Variants in LIN28B observed in about 807,000 individuals in gnomAD.
The protein encoded by LIN28B is protein lin-28 homolog B.
A neutral mutation model predicts 21.9 loss-of-function variants in LIN28B; 5 were observed. The observed-to-expected ratio is 0.23, with a 90% CI of 0.12 to 0.48. LIN28B has a LOEUF of 0.48. LIN28B is among the 20% of genes least tolerant of loss of function. LIN28B has a pLI of 0.98. For missense variants in LIN28B, 245 were observed against 310.5 expected, an observed-to-expected ratio of 0.79 and a Z score of 1.58; for synonymous variants, 109 against 111.3, an observed-to-expected ratio of 0.98 and a Z score of 0.13.
At chr6:104,961,307 A>C (rs1187739648) in intron 2 of LIN28B, among the ~76,000 whole-genome samples, 1 of 152,146 alleles carries the variant, frequency 6.6e-6, no homozygotes, top group African/African-American at 2.4e-5. Context: ...TTTATTTTTA[A>C]ATATATTTAA....
chr6:105,075,366 G>A (rs1772405500), intron 3 of LIN28B, among the ~76,000 whole-genome samples: 2 of 152,164 alleles, frequency 1.3e-5, no homozygotes, highest in African/African-American at 4.8e-5. Flanking sequence ...GAGCTGCAAG[G>A]TAGCTGAACA....
intron 3 of LIN28B, among the ~76,000 whole-genome samples, chr6:105,057,375 G>T (rs76841077): frequency 0.014 from 2,103 of 152,186 alleles, 48 homozygotes; most frequent in African/African-American, 0.049. Context: ...ACTATCATCT[G>T]CCATCTGACA....
intron 3 of LIN28B, among the ~76,000 whole-genome samples, chr6:105,072,373 G>A (rs1286775370): frequency 6.6e-6 from 1 of 152,048 alleles, no homozygotes; most frequent in African/African-American, 2.4e-5. Context: ...AATTTAGTAA[G>A]CTCTCAGTGA....
At chr6:105,069,229 CAAAA>C (rs1772282306) in intron 3 of LIN28B, among the ~76,000 whole-genome samples, 1 of 151,836 alleles carries the variant, frequency 6.6e-6, no homozygotes, top group African/African-American at 2.4e-5. Flanking sequence ...AAAAGCAAAA[CAAAA>C]CAAACAAAAA....
intron 2 of LIN28B, among the ~76,000 whole-genome samples, chr6:104,962,437 A>G (rs929573567): frequency 2.0e-5 from 3 of 152,034 alleles, no homozygotes; most frequent in Non-Finnish European, 4.4e-5. Context: ...TGGATAATTC[A>G]AATGCCCACA....
At chr6:104,991,292 C>T (rs1460036858) in intron 2 of LIN28B, among the ~76,000 whole-genome samples, 9 of 151,584 alleles carry the variant, frequency 5.9e-5, no homozygotes, top group African/African-American at 1.5e-4. Flanking sequence ...CCTCACTTCT[C>T]GGACGGGGCG....
chr6:105,014,326 T>A (rs112252708), intron 2 of LIN28B, among the ~76,000 whole-genome samples: 15,635 of 152,168 alleles, frequency 0.1, 861 homozygotes, highest in African/African-American at 0.13. Context: ...TTAAAAAATA[T>A]TTTATTTTTT....
rs552704615 is a variant in LIN28B at position 104,991,395 on chromosome 6, C to G, written c.198+33109C>G. Among the ~76,000 whole-genome samples the G allele has an allele frequency of 8.3e-4, 124 of 148,822 alleles. 2 individuals carry two copies. In the South Asian group the frequency reaches 0.024, roughly 28 times the overall value. ...AGACGGGGTCGCGGCCGGGCAGAGG[C>G]GCTCCTCACATCCCAGACGGGGCGG... On this transcript the variant is annotated intron_variant, in intron 2 of 3. Transcript: ENST00000345080.
At chr6:104,984,067 A>G (rs945353003) in intron 2 of LIN28B, among the ~76,000 whole-genome samples, 4 of 152,208 alleles carry the variant, frequency 2.6e-5, no homozygotes, top group Non-Finnish European at 4.4e-5. Context: ...AAATGTGGCT[A>G]TAGTAACAGC....
chr6:105,020,106 T>G (rs1771106032), intron 2 of LIN28B, among the ~76,000 whole-genome samples: 1 of 145,682 alleles, frequency 6.9e-6, no homozygotes, highest in African/African-American at 2.6e-5. Flanking sequence ...TTCCTGTTAT[T>G]CTTTTTTTTT....
At chr6:104,939,306 A>G (rs1362590602) in intron 2 of LIN28B, 1 of 152,272 alleles carries the variant, frequency 6.6e-6, no homozygotes, top group Non-Finnish European at 1.5e-5. Flanking sequence ...TCGCAAAGTA[A>G]TGTAAGAAAT....
intron 2 of LIN28B, among the ~76,000 whole-genome samples, chr6:105,001,221 A>G (rs1770712957): frequency 6.6e-6 from 1 of 152,202 alleles, no homozygotes; most frequent in Non-Finnish European, 1.5e-5. Context: ...ATTTTTAAGC[A>G]AGCTGACTAC....
intron 2 of LIN28B, among the ~76,000 whole-genome samples, chr6:105,016,640 T>C (rs1439620309): frequency 6.6e-6 from 1 of 152,118 alleles, no homozygotes; most frequent in South Asian, 2.1e-4. Flanking sequence ...TTCCCCACCA[T>C]CCTGATTCTC....
intron 3 of LIN28B, among the ~76,000 whole-genome samples, chr6:105,070,871 A>ACATTCATT (rs753016983): frequency 1.3e-5 from 2 of 152,068 alleles, no homozygotes; most frequent in African/African-American, 4.8e-5. Flanking sequence ...AGTGGTTTTT[A>ACATTCATT]CATTCATTCA....
chr6:105,024,054 T>C (rs1314750963), intron 2 of LIN28B, among the ~76,000 whole-genome samples: 1 of 151,924 alleles, frequency 6.6e-6, no homozygotes, highest in Admixed American at 6.6e-5. Context: ...ACGATCTCGA[T>C]CTCCGCTCAC....
chr6:104,991,248 C>T (rs1432767846), intron 2 of LIN28B, among the ~76,000 whole-genome samples: 2 of 151,280 alleles, frequency 1.3e-5, no homozygotes, highest in East Asian at 2.0e-4. Context: ...CCCTGCCTCC[C>T]TCCCGGACGG....
chr6:105,040,131 ATAAT>A (rs1771603095), intron 3 of LIN28B, among the ~76,000 whole-genome samples: 1 of 152,284 alleles, frequency 6.6e-6, no homozygotes, highest in East Asian at 1.9e-4. Context: ...ATCTCTCGAC[ATAAT>A]TAATTTTCTA....
intron 1 of LIN28B, 74 bp from the exon 2 acceptor site, chr6:104,958,025 A>AT (rs543403443): frequency 0.044 from 35,407 of 798,960 alleles, 9 homozygotes; most frequent in East Asian, 0.084. Context: ...CAGGCAGGCA[A>AT]TTTTTTTTTT....
At chr6:105,072,672 T>G (rs1772353913) in intron 3 of LIN28B, among the ~76,000 whole-genome samples, 2 of 152,288 alleles carry the variant, frequency 1.3e-5, no homozygotes, top group Middle Eastern at 6.8e-3. Flanking sequence ...ATATAAAAAT[T>G]TAAGTATGGA....
Sources: allele counts gnomAD v4.1 joint callset (sites outside exome capture counted in the v4.1 genomes callset), GRCh38; gene constraint gnomAD v4.1.1; transcripts MANE v1.5; gene names NCBI Gene and HGNC (gene_info 2026-07-23, HGNC 2026-07-21).